The following DEK variants were observed in gnomAD, a reference collection of about 807,000 sequenced individuals.
DEK encodes protein DEK.
Under a neutral mutation model 46.8 loss-of-function variants are expected in DEK, and 28 were observed. The ratio of observed to expected loss-of-function variants is 0.60; its 90% confidence interval spans 0.44 to 0.82. DEK has a LOEUF of 0.82. Ranked by LOEUF, DEK falls within the 40% of genes least tolerant of loss-of-function variation. The pLI is 0.00. For missense variants in DEK, 416 were observed against 430.6 expected (o/e 0.97, Z 0.30); for synonymous variants, 160 against 144.5 (o/e 1.11, Z -0.77).
At chr6:18,250,540 A>G (rs765032251) in intron 6 of DEK, among the ~76,000 whole-genome samples, 8 of 138,388 alleles carry the variant, frequency 5.8e-5, no homozygotes, top group Non-Finnish European at 1.1e-4. Flanking sequence ...AAGGCCCAAC[A>G]CTCCAATCGA....
intron 9 of DEK, among the ~76,000 whole-genome samples, chr6:18,233,588 C>A (rs1377233336): frequency 6.6e-6 from 1 of 152,182 alleles, no homozygotes; most frequent in African/African-American, 2.4e-5. Flanking sequence ...CCAACAGACA[C>A]ATGAAAAAAT....
intron 7 of DEK, among the ~76,000 whole-genome samples, chr6:18,249,422 C>T (rs12204828): frequency 6.6e-6 from 1 of 152,192 alleles, no homozygotes; most frequent in African/African-American, 2.4e-5. Flanking sequence ...TCAAGGCCCA[C>T]TTCAAATCCA....
At chr6:18,256,220 C>A (rs1791589559) in intron 5 of DEK, 141 bp downstream of exon 5, 2 of 653,864 alleles carry the variant, frequency 3.1e-6, no homozygotes, top group African/African-American at 3.7e-5. Context: ...CTCCTGACCT[C>A]AGGTGATACG....
Position 18,236,562 on chromosome 6 carries a change from T to C in DEK, c.937A>G (p.Ile313Val). 1.3e-6 allele frequency: 2 copies of C among 1,583,308 alleles called. No individual in the cohort carries two copies. Among genetic ancestry groups the C allele is most frequent in the African/African-American group, 1.4e-5 (1 of 72,664 alleles). Residue 313 changes from isoleucine (I) to valine (V), a missense_variant, in exon 9 of 11, where the codon ATT (isoleucine) becomes GTT (valine). By Grantham distance (29) the Ile-to-Val change is conservative. Coordinates refer to ENST00000652689, the MANE Select transcript of DEK (RefSeq NM_003472.4). ...GTAGGGGGTTTCTTCAACTTTTTAATTAAAGGTTCATCATCTGAACTATCC... is the reference window on the plus strand; with the variant it reads ...GTAGGGGGTTTCTTCAACTTTTTAACTAAAGGTTCATCATCTGAACTATCC... ...SEDSSDDEPL[I>V]KKLKKPPTDE...
At position 18,257,872 on chromosome 6, in the gene DEK, T is replaced by A. The variant is rs540506255; in HGVS notation, c.357+81A>T. ...CAGTCATAAAGTGTGGAAATTGAACTAGTGGATCACTAACATTTACAGAAA... is the reference window on the plus strand; with the variant it reads ...CAGTCATAAAGTGTGGAAATTGAACAAGTGGATCACTAACATTTACAGAAA... On this transcript the variant is annotated intron_variant, in intron 4 of 10. Transcript: ENST00000652689. The A allele has an allele frequency of 1.2e-4, 116 of 976,666 alleles. No homozygotes were observed. In the East Asian group the frequency reaches 2.8e-3, roughly 24 times the overall value. 60.5% of individuals were successfully genotyped at this position (976,666 alleles called of 1,614,324 possible).
chr6:18,259,212 G>GAGA (rs1791733354), intron 2 of DEK, among the ~76,000 whole-genome samples: 1 of 151,014 alleles, frequency 6.6e-6, no homozygotes, highest in African/African-American at 2.5e-5. Flanking sequence ...GGCTAACGTG[G>GAGA]TGAAACCCCA....
At position 18,225,303 on chromosome 6, in the gene DEK, A is replaced by C. The variant is rs1790062131; in HGVS notation, c.*416T>G. On this transcript the variant is annotated 3_prime_UTR_variant, in exon 11 of 11. Coordinates refer to ENST00000652689, the MANE Select transcript of DEK (RefSeq NM_003472.4). ...ACACTGACAGAGATGTGTATTCAAA[A>C]TATTTCATATACTAAATACTACAAT... 1 of 234,398 alleles carries C rather than the reference A, an allele frequency of 4.3e-6. No individual in the cohort carries two copies. Among genetic ancestry groups the C allele is most frequent in the South Asian group, 1.8e-4 (1 of 5,628 alleles). The allele number at this position is 234,398 out of a possible 1,614,324, so 14.5% of individuals were successfully genotyped here.
chr6:18,253,870 G>A (rs1042554748), intron 6 of DEK, among the ~76,000 whole-genome samples: 1 of 151,876 alleles, frequency 6.6e-6, no homozygotes, highest in East Asian at 2.0e-4. Context: ...GTGCCTCAGC[G>A]CCTGGCTAAT....
At chr6:18,237,883 T>C (rs1048691638) in intron 7 of DEK, among the ~76,000 whole-genome samples, 23 of 146,718 alleles carry the variant, frequency 1.6e-4, no homozygotes, top group African/African-American at 6.0e-4. Flanking sequence ...TTTTTTTTTT[T>C]TGAGACAGAG....
At chr6:18,250,568 CTTTTTTTTTTTTTTTT>C (rs70974716) in intron 6 of DEK, among the ~76,000 whole-genome samples, 2 of 62,818 alleles carry the variant, frequency 3.2e-5, no homozygotes, top group Non-Finnish European at 5.4e-5. Context: ...GGAGAAAAAC[CTTTTTTTTTTTTTTTT>C]TTTTTTTTTT....
At chr6:18,255,987 T>C (rs1242321883) in intron 5 of DEK, 136 bp from the exon 6 acceptor site, 2 of 955,364 alleles carry the variant, frequency 2.1e-6, no homozygotes, top group Admixed American at 8.6e-5. Context: ...TCTATGAATC[T>C]TTTTTCTTTT....
intron 4 of DEK, among the ~76,000 whole-genome samples, chr6:18,257,536 C>A (rs1791651612): frequency 6.6e-6 from 1 of 152,052 alleles, no homozygotes; most frequent in South Asian, 2.1e-4. Context: ...CATGGCAAAA[C>A]CCTGCCTCTA....
At chr6:18,227,658 G>A (rs1240788539) in intron 9 of DEK, among the ~76,000 whole-genome samples, 1 of 152,156 alleles carries the variant, frequency 6.6e-6, no homozygotes, top group South Asian at 2.1e-4. Flanking sequence ...CACCTAACAA[G>A]AAACACCCAC....
rs748009155 is a variant in DEK at position 18,249,649 on chromosome 6, A to G, written c.762+2T>C. ...ATTTAAAAATATAGTAAAATATTTTACCTCCTCTTCACTTTCTTTATCTTC... is the reference window on the plus strand; with the variant it reads ...ATTTAAAAATATAGTAAAATATTTTGCCTCCTCTTCACTTTCTTTATCTTC... On this transcript the variant is annotated splice_donor_variant, in intron 7 of 10. Coordinates refer to ENST00000652689, the MANE Select transcript of DEK (RefSeq NM_003472.4). LOFTEE classifies it high-confidence loss of function. 6.4e-7 allele frequency: 1 copy of G among 1,567,058 alleles called. No homozygotes were observed. Among genetic ancestry groups the G allele is most frequent in the Non-Finnish European group, 8.6e-7 (1 of 1,161,560 alleles).
At chr6:18,235,049 C>T (rs1056889497) in intron 9 of DEK, among the ~76,000 whole-genome samples, 10 of 152,194 alleles carry the variant, frequency 6.6e-5, no homozygotes, top group Admixed American at 2.0e-4. Flanking sequence ...ACTAATTTCT[C>T]TTTGACTTCC....
chr6:18,255,594 T>G, intron 6 of DEK, 137 bp downstream of exon 6: 2 of 1,029,996 alleles, frequency 1.9e-6, no homozygotes, highest in South Asian at 1.8e-5. Flanking sequence ...TTACTGCAGA[T>G]ACGTCAACAG....
chr6:18,247,278 AAAG>A (rs1191671940), intron 7 of DEK, among the ~76,000 whole-genome samples: 1 of 152,228 alleles, frequency 6.6e-6, no homozygotes, highest in Admixed American at 6.5e-5. Context: ...CAGGGAAAAA[AAAG>A]GGGGGGAAAC....
intron 9 of DEK, among the ~76,000 whole-genome samples, chr6:18,234,782 A>G (rs1044085128): frequency 6.6e-6 from 1 of 151,686 alleles, no homozygotes; most frequent in Non-Finnish European, 1.5e-5. Flanking sequence ...CACCCCTACT[A>G]CCCATTAAAA....
At chr6:18,252,062 G>C (rs1290728650) in intron 6 of DEK, among the ~76,000 whole-genome samples, 2 of 152,150 alleles carry the variant, frequency 1.3e-5, no homozygotes, top group African/African-American at 4.8e-5. Context: ...AGTGTCAACA[G>C]CATTATCTCT....
Sources: gnomAD v4.1 joint callset for allele counts (sites outside exome capture counted in the v4.1 genomes callset) on GRCh38, gnomAD v4.1.1 for gene constraint, MANE v1.5 for transcripts, NCBI Gene and HGNC (gene_info 2026-07-23, HGNC 2026-07-21) for gene names.